The following ERICH3 variants were observed in gnomAD, a reference collection of about 807,000 sequenced individuals.
ERICH3 encodes the protein glutamate rich 3.
A neutral mutation model predicts 131.1 loss-of-function variants in ERICH3; 126 were observed. That is an observed-to-expected ratio of 0.96 (90% CI 0.83 to 1.11). ERICH3 has a LOEUF of 1.11. ERICH3 is among the 50% of genes most tolerant of loss of function. The probability of loss-of-function intolerance (pLI) is 0.00; values close to 1 mark genes in which losing one functional copy is unlikely to be tolerated. For synonymous variants in ERICH3, 695 were observed against 644.6 expected, an observed-to-expected ratio of 1.08 and a Z score of -1.18; for missense variants, 2,050 against 1,810.7, an observed-to-expected ratio of 1.13 and a Z score of -2.40.
Position 74,576,915 on chromosome 1 carries a change from G to A in ERICH3, c.2198C>T (p.Ala733Val). ...EEGGKDSLPL[A>V]YVLALGAPTM... The stretch of plus-strand genomic sequence containing the variant: ...CTTACCACCAAGAGCCAGGACATAG[G>A]CTAATGGCAATGAATCCTTTCCTAG... Residue 733 changes from alanine to valine, a missense_variant, in exon 13 of 15, where the codon GCC becomes GTC. By Grantham distance (64) the Ala-to-Val change is moderately conservative. Coordinates refer to ENST00000326665, the MANE Select transcript of ERICH3 (RefSeq NM_001002912.5). 1 of 1,601,330 alleles carries A rather than the reference G, an allele frequency of 6.2e-7. No individual in the cohort carries two copies.
At chr1:74,606,929 T>G in intron 9 of ERICH3, 27 bp from the exon 10 acceptor site, 1 of 1,588,296 alleles carries the variant, frequency 6.3e-7, no homozygotes, top group Non-Finnish European at 8.6e-7. Context: ...CAGGAAGTGT[T>G]TGTTAACCCT....
intron 12 of ERICH3, among the ~76,000 whole-genome samples, chr1:74,581,351 C>T (rs967887555): frequency 1.3e-5 from 2 of 152,034 alleles, no homozygotes; most frequent in Non-Finnish European, 2.9e-5. Context: ...ATGAGTATTT[C>T]TCCATTGCGG....
chr1:74,621,407 C>CAACA (rs1649216597), intron 7 of ERICH3: 1 of 152,320 alleles, frequency 6.6e-6, no homozygotes, highest in South Asian at 2.1e-4. Flanking sequence ...TGAGCACTGA[C>CAACA]AACACATCCT....
chr1:74,582,057 A>G (rs1181855470), intron 12 of ERICH3, among the ~76,000 whole-genome samples: 2 of 152,172 alleles, frequency 1.3e-5, no homozygotes, highest in Non-Finnish European at 2.9e-5. Context: ...AAGTGCCTCT[A>G]TGAATTCAGG....
intron 6 of ERICH3, chr1:74,634,555 C>A: frequency 1.6e-6 from 1 of 619,232 alleles, no homozygotes. Flanking sequence ...TGCTCCCCAG[C>A]CAGCAGAGCT....
intron 1 of ERICH3, among the ~76,000 whole-genome samples, chr1:74,652,623 G>A (rs1455644003): frequency 6.6e-6 from 1 of 151,316 alleles, no homozygotes; most frequent in Non-Finnish European, 1.5e-5. Context: ...TGGTGATTGT[G>A]TTGCAGCTTG....
rs1646486950 is a variant in ERICH3, at chr1:74,646,685, A to G, written c.225T>C (p.His75=). The G allele has an allele frequency of 1.4e-6, 2 of 1,405,566 alleles. No homozygotes were observed. Among genetic ancestry groups the G allele is most frequent in the Non-Finnish European group, 1.9e-6 (2 of 1,036,274 alleles). 87.1% of individuals were successfully genotyped at this position (1,405,566 alleles called of 1,614,324 possible). ...IRECLAQAIF[H]KVLDMERYHQ... ...TTTTTACCTCCATATCAAGAACTTTATGAAAAATTGCCTGGGCTAAGCATT... is the reference window on the plus strand; with the variant it reads ...TTTTTACCTCCATATCAAGAACTTTGTGAAAAATTGCCTGGGCTAAGCATT... The change falls in exon 3 of 15, where the codon CAT becomes CAC. Residue 75 remains histidine, a synonymous_variant. Coordinates refer to ENST00000326665, the MANE Select transcript of ERICH3 (RefSeq NM_001002912.5).
At chr1:74,570,976 G>T in intron 14 of ERICH3, 123 bp downstream of exon 14, 2 of 1,307,874 alleles carry the variant, frequency 1.5e-6, no homozygotes, top group East Asian at 2.4e-5. Flanking sequence ...AAGTGACACA[G>T]AATTGAAGCC....
At chr1:74,640,161 A>G (rs548128099) in intron 5 of ERICH3, among the ~76,000 whole-genome samples, 1 of 152,300 alleles carries the variant, frequency 6.6e-6, no homozygotes, top group East Asian at 1.9e-4. Context: ...TGGAAAATTG[A>G]AAAGAAAGCC....
intron 12 of ERICH3, chr1:74,579,952 G>C: frequency 1.1e-6 from 1 of 906,778 alleles, no homozygotes; most frequent in Non-Finnish European, 1.3e-6. Flanking sequence ...GATACTTTAA[G>C]GTATTTTTTT....
In ERICH3 at chr1:74,656,533, T is replaced by C. The variant is rs971915167; in HGVS notation, c.24-7218A>G. ...GTTCCAAATCTAATTCTACCCCTTA[T>C]AAGATACATGACCCTCAATAATTCA... is the stretch of plus-strand genomic sequence containing the variant. On this transcript the variant is annotated intron_variant, in intron 1 of 14. Transcript: ENST00000326665. 2.0e-5 allele frequency among the ~76,000 whole-genome samples: 3 copies of C among 152,170 alleles called. No individual in the cohort carries two copies. The South Asian group carries it at 6.2e-4, about 31-fold the overall frequency.
intron 1 of ERICH3, among the ~76,000 whole-genome samples, chr1:74,662,917 A>T (rs892599853): frequency 4.6e-5 from 7 of 152,154 alleles, no homozygotes; most frequent in African/African-American, 1.7e-4. Flanking sequence ...TTGGGAGGCT[A>T]AGGTGGGATA....
chr1:74,641,986 G>C (rs1318296171), intron 4 of ERICH3, among the ~76,000 whole-genome samples: 2 of 152,046 alleles, frequency 1.3e-5, no homozygotes, highest in African/African-American at 2.4e-5. Flanking sequence ...CCTGGGCAAG[G>C]GTGAATAACA....
intron 8 of ERICH3, chr1:74,615,183 T>C (rs928356621): frequency 6.6e-6 from 1 of 152,182 alleles, no homozygotes. Flanking sequence ...CCTTTGTTAC[T>C]TATTTTTGTA....
At chr1:74,587,160 C>A (rs1647369394) in intron 12 of ERICH3, among the ~76,000 whole-genome samples, 1 of 151,544 alleles carries the variant, frequency 6.6e-6, no homozygotes, top group South Asian at 2.1e-4. Context: ...CCCGTCTTTA[C>A]TAAAAATACA....
At chr1:74,665,506 C>T (rs139757537) in intron 1 of ERICH3, among the ~76,000 whole-genome samples, 13 of 152,222 alleles carry the variant, frequency 8.5e-5, no homozygotes, top group East Asian at 3.9e-4. Context: ...AAACAGGTTG[C>T]GTTAGTTTGG....
chr1:74,615,001 G>A (rs1648893737), intron 8 of ERICH3, among the ~76,000 whole-genome samples: 1 of 152,142 alleles, frequency 6.6e-6, no homozygotes, highest in African/African-American at 2.4e-5. Context: ...TTCAGGAAGA[G>A]AGTGCACTTA....
intron 8 of ERICH3, among the ~76,000 whole-genome samples, chr1:74,615,490 T>C (rs1358673013): frequency 6.6e-6 from 1 of 152,244 alleles, no homozygotes; most frequent in Admixed American, 6.5e-5. Context: ...TATTGTTCAC[T>C]GACAGTTGGT....
chr1:74,575,016 C>CAAGTATGA (rs1292172114), intron 13 of ERICH3, among the ~76,000 whole-genome samples: 7 of 147,002 alleles, frequency 4.8e-5, no homozygotes, highest in Admixed American at 2.8e-4. Context: ...ATAAAGTAGG[C>CAAGTATGA]AAGTATGATG....
Sources: allele counts gnomAD v4.1 joint callset (sites outside exome capture counted in the v4.1 genomes callset), GRCh38; gene constraint gnomAD v4.1.1; transcripts MANE v1.5; gene names NCBI Gene and HGNC (gene_info 2026-07-23, HGNC 2026-07-21).